SLC8A3: variants seen among roughly 807,000 people sequenced by gnomAD.
The protein encoded by SLC8A3 is sodium/calcium exchanger 3.
SLC8A3 carries 37 observed loss-of-function variants against 65.4 expected under a neutral mutation model. The ratio of observed to expected loss-of-function variants is 0.57; its 90% CI spans 0.44 to 0.74. The LOEUF (loss-of-function observed/expected upper bound fraction) is 0.74, where lower values mean the gene tolerates loss of function less well. Among genes scored for constraint, SLC8A3 ranks in the 30% least tolerant of loss-of-function variants. SLC8A3 has a pLI of 0.00. For missense variants in SLC8A3, 1,112 were observed against 1,172.1 expected (o/e 0.95, Z 0.75); for synonymous variants, 461 against 444.5 (o/e 1.04, Z -0.47).
chr14:70,102,898 G>T (rs1197383589), intron 2 of SLC8A3, among the ~76,000 whole-genome samples: 1 of 151,766 alleles, frequency 6.6e-6, no homozygotes, highest in African/African-American at 2.4e-5. Context: ...TATAATAATT[G>T]GCTTAAATTT....
chr14:70,179,243 G>A (rs1882513654), intron 1 of SLC8A3, among the ~76,000 whole-genome samples: 1 of 151,854 alleles, frequency 6.6e-6, no homozygotes, highest in Non-Finnish European at 1.5e-5. Flanking sequence ...TCCCCCTCCA[G>A]TACTCTCTTG....
In SLC8A3 at chr14:70,048,860, T is replaced by G; in HGVS notation, c.2296A>C (p.Ile766Leu). 6.2e-7 allele frequency: 1 copy of G among 1,614,102 alleles called. No homozygotes were observed. Among genetic ancestry groups the G allele is most frequent in the African/African-American group, 1.3e-5 (1 of 75,050 alleles). ...CCGAAGTGCGAGGCCAGGTCCCCAATGATGGCGGTGAGCATGCCAATGATG... is the reference window on the plus strand; with the variant it reads ...CCGAAGTGCGAGGCCAGGTCCCCAAGGATGGCGGTGAGCATGCCAATGATG... ...ILIIGMLTAI[I>L]GDLASHFGCT... Residue 766 changes from isoleucine (I) to leucine (L), a missense_variant, in exon 6 of 7, where the codon ATT becomes CTT. Physicochemically the swap from Ile to Leu is conservative, Grantham distance 5. Transcript: ENST00000356921.
chr14:70,171,638 T>C (rs1259677993), intron 1 of SLC8A3, among the ~76,000 whole-genome samples: 6 of 152,008 alleles, frequency 3.9e-5, no homozygotes, highest in Non-Finnish European at 7.4e-5. Flanking sequence ...CCATCTCTAC[T>C]AAAAATACAA....
chr14:70,148,133 C>A (rs139376544), intron 2 of SLC8A3, among the ~76,000 whole-genome samples: 9 of 152,154 alleles, frequency 5.9e-5, no homozygotes, highest in Non-Finnish European at 7.4e-5. Flanking sequence ...ATATTCAACA[C>A]CTTATTTTAA....
chr14:70,129,869 G>A (rs930264849), intron 2 of SLC8A3, among the ~76,000 whole-genome samples: 2 of 152,292 alleles, frequency 1.3e-5, no homozygotes, highest in African/African-American at 4.8e-5. Context: ...TTTTTGCATA[G>A]CTCAATTCAA....
chr14:70,166,692 A>C lies in SLC8A3; in HGVS notation c.1731T>G (p.Gly577=), dbSNP rs1566824886. The C allele has an allele frequency of 3.1e-6, 5 of 1,613,074 alleles. No homozygotes were observed. The highest frequency in any genetic ancestry group is 4.2e-6 in the Non-Finnish European group (5 of 1,179,608). The change falls in exon 2 of 7, where the codon GGT becomes GGG. Residue 577 remains glycine (G), a synonymous_variant. Coordinates refer to ENST00000356921, the MANE Select transcript of SLC8A3 (RefSeq NM_182932.3). ...RTVEGTAKGG[G]EDFEDTYGEL... Reference sequence around the variant, plus strand: ...CCCCATATGTGTCTTCAAAGTCCTCACCGCCACCCTTGGCTGTCCCTTCTA... The same window carrying C: ...CCCCATATGTGTCTTCAAAGTCCTCCCCGCCACCCTTGGCTGTCCCTTCTA...
Position 70,132,784 on chromosome 14 carries a change from A to C in SLC8A3, c.1784+33855T>G, listed in dbSNP as rs542347726. ...GTGTGTTGTGTGTCCACCCCAAGGCAAGTGAGCTGAGACAGTGGAGACAGG... is the reference window on the plus strand; with the variant it reads ...GTGTGTTGTGTGTCCACCCCAAGGCCAGTGAGCTGAGACAGTGGAGACAGG... On this transcript the variant is annotated intron_variant, in intron 2 of 6. Transcript: ENST00000356921. Among the ~76,000 whole-genome samples the C allele has an allele frequency of 1.2e-3, 178 of 152,320 alleles. 5 individuals carry two copies. In the South Asian group the frequency reaches 0.037, roughly 31 times the overall value.
chr14:70,060,967 G>A (rs1167850761), intron 2 of SLC8A3, 28 bp from the exon 3 acceptor site: 2 of 1,035,328 alleles, frequency 1.9e-6, no homozygotes, highest in African/African-American at 3.2e-5. Flanking sequence ...GAGAGAGTGT[G>A]TCGACTGGGT....
intron 1 of SLC8A3, among the ~76,000 whole-genome samples, chr14:70,170,791 C>A (rs1464541362): frequency 2.6e-5 from 4 of 152,112 alleles, no homozygotes; most frequent in Non-Finnish European, 4.4e-5. Flanking sequence ...TTGGTTTAAT[C>A]CCTAGAGTGG....
chr14:70,098,857 T>C (rs1892371592), intron 2 of SLC8A3, among the ~76,000 whole-genome samples: 1 of 152,156 alleles, frequency 6.6e-6, no homozygotes, highest in Admixed American at 6.5e-5. Flanking sequence ...TCCAAGAAAG[T>C]GCAGAAGAGA....
rs1886584893 is a variant in SLC8A3 at position 70,044,889 on chromosome 14, T to C, written c.*1058A>G. ...CATTGACATTTAAAATACAAACTTT[T>C]CTCTTAAAGATCTCACTGGTTGGAC... On this transcript the variant is annotated 3_prime_UTR_variant, in exon 7 of 7. Coordinates refer to ENST00000356921, the MANE Select transcript of SLC8A3 (RefSeq NM_182932.3). 1.3e-5 allele frequency: 2 copies of C among 152,198 alleles called. No individual in the cohort carries two copies. The highest frequency in any genetic ancestry group is 4.8e-5 in the African/African-American group (2 of 41,444). 9.4% of individuals were successfully genotyped at this position (152,198 alleles called of 1,614,324 possible).
At chr14:70,174,651 G>GGTTTTTTTTT (rs1555385182) in intron 1 of SLC8A3, among the ~76,000 whole-genome samples, 5 of 90,364 alleles carry the variant, frequency 5.5e-5, no homozygotes, top group African/African-American at 2.5e-4. Flanking sequence ...GACCAAATCC[G>GGTTTTTTTTT]TTTTTTTTTT....
intron 2 of SLC8A3, among the ~76,000 whole-genome samples, chr14:70,074,751 T>C (rs897732317): frequency 3.3e-5 from 5 of 152,208 alleles, no homozygotes; most frequent in Admixed American, 1.3e-4. Flanking sequence ...AGATCAATAA[T>C]ATTTTAATGC....
chr14:70,051,895 A>C, intron 4 of SLC8A3, 95 bp downstream of exon 4: 1 of 1,004,724 alleles, frequency 1.0e-6, no homozygotes, highest in Non-Finnish European at 1.5e-6. Flanking sequence ...TCAACTTCAC[A>C]TATTCACTAG....
At chr14:70,187,261 GAGAGAGAGAGAA>G (rs1390260837) in intron 1 of SLC8A3, 3 of 144,678 alleles carry the variant, frequency 2.1e-5, no homozygotes, top group Non-Finnish European at 4.5e-5. Context: ...AGGAAAGGGG[GAGAGAGAGAGAA>G]AGAGAGAGAG....
intron 2 of SLC8A3, 89 bp from the exon 3 acceptor site, chr14:70,061,028 C>T: frequency 1.5e-6 from 1 of 649,692 alleles, no homozygotes; most frequent in South Asian, 2.0e-5. Context: ...CATTCCCCGT[C>T]ATTCCTGGCA....
intron 2 of SLC8A3, among the ~76,000 whole-genome samples, chr14:70,087,147 G>C (rs1228576995): frequency 6.6e-6 from 1 of 152,202 alleles, no homozygotes; most frequent in Non-Finnish European, 1.5e-5. Context: ...ATTGCCCAAA[G>C]GGAAAAATAA....
At chr14:70,091,895 T>C (rs1036950655) in intron 2 of SLC8A3, among the ~76,000 whole-genome samples, 4 of 152,208 alleles carry the variant, frequency 2.6e-5, no homozygotes, top group African/African-American at 9.7e-5. Context: ...CATTAGTTAC[T>C]GAGACAATTT....
intron 2 of SLC8A3, among the ~76,000 whole-genome samples, chr14:70,119,095 A>G (rs1302900820): frequency 6.6e-6 from 1 of 152,088 alleles, no homozygotes; most frequent in Non-Finnish European, 1.5e-5. Context: ...ATTTAAGTGC[A>G]AGTAGTTTTT....
Sources: gnomAD v4.1 joint callset for allele counts (sites outside exome capture counted in the v4.1 genomes callset) on GRCh38, gnomAD v4.1.1 for gene constraint, MANE v1.5 for transcripts, NCBI Gene and HGNC (gene_info 2026-07-23, HGNC 2026-07-21) for gene names.